The following HSPG2 variants were observed in gnomAD, a reference collection of about 807,000 sequenced individuals.
HSPG2 encodes the protein basement membrane-specific heparan sulfate proteoglycan core protein.
A neutral mutation model predicts 526.6 loss-of-function variants in HSPG2; 278 were observed. The ratio of observed to expected loss-of-function variants is 0.53; its 90% CI spans 0.48 to 0.58. The LOEUF is 0.58. HSPG2 is among the 20% of genes least tolerant of loss of function. The probability of loss-of-function intolerance (pLI) is 0.00; values close to 1 mark genes in which losing one functional copy is unlikely to be tolerated. For synonymous variants in HSPG2, 2,465 were observed against 2,555.4 expected (o/e 0.96, Z 1.07); for missense variants, 5,354 against 6,099.5 (o/e 0.88, Z 4.07).
rs1374165234 is a variant in HSPG2, at chr1:21,830,290, AG to A, written c.11672-200del. 8 of 605,314 alleles carry A rather than the reference AG, an allele frequency of 1.3e-5. 1 individual carries two copies. Among genetic ancestry groups the A allele is most frequent in the Non-Finnish European group, 2.4e-5 (8 of 338,594 alleles). The allele number at this position is 605,314 out of a possible 1,614,324, so 37.5% of individuals were successfully genotyped here. On this transcript the variant is annotated intron_variant, in intron 85 of 96. Transcript: ENST00000374695. The stretch of plus-strand genomic sequence containing the variant: ...AGGCCACAGGGAGGACTGCAGGGGA[AG>A]CAGTCGAGGGACTCTGTGTGTCTGC...
At position 21,889,843 on chromosome 1, in the gene HSPG2, C is replaced by A. The variant is rs764467841; in HGVS notation, c.574+138G>T. On this transcript the variant is annotated intron_variant, in intron 6 of 96. Transcript: ENST00000374695. ...TACCAAGCCAAGATTGTGTAAAGAT[C>A]GATGGGGCAGACTCAGGAGTAGTGA... The A allele has an allele frequency of 3.4e-6, 3 of 876,270 alleles. No individual in the cohort carries two copies. In the Admixed American group the frequency reaches 5.5e-5, roughly 16 times the overall value. The allele number at this position is 876,270 out of a possible 1,614,324, so 54.3% of individuals were successfully genotyped here.
chr1:21,890,677 C>T lies in HSPG2; in HGVS notation c.262G>A (p.Val88Met). 1 of 1,613,604 alleles carries T rather than the reference C, an allele frequency of 6.2e-7. No individual in the cohort carries two copies. Among genetic ancestry groups the T allele is most frequent in the Non-Finnish European group, 8.5e-7 (1 of 1,179,568 alleles). The change falls in exon 4 of 97, where the codon GTG (valine) becomes ATG (methionine). Residue 88 changes from valine (V) to methionine (M), a missense_variant. Val to Met is a conservative substitution (Grantham distance 21). Coordinates refer to ENST00000374695, the MANE Select transcript of HSPG2 (RefSeq NM_005529.7). This position sits in a 1 kb window ranked among gnomAD's most constrained non-coding sequence, Gnocchi z 4.1. ...DFQMVYFRAL[V>M]NFTRSIEYSP... ...TACTCGATGGAGCGAGTGAAATTCA[C>T]CAGGGCTCGGAAATAAACTGGAAAA...
At chr1:21,852,283 A>G (rs1402333079) in intron 52 of HSPG2, 50 bp from the exon 53 acceptor site, 5 of 1,610,964 alleles carry the variant, frequency 3.1e-6, no homozygotes, top group Non-Finnish European at 3.4e-6. Flanking sequence ...CTGAGATGAG[A>G]GGGCAGGGGT....
At chr1:21,896,855 C>T (rs150563967) in intron 1 of HSPG2, among the ~76,000 whole-genome samples, 36 of 152,370 alleles carry the variant, frequency 2.4e-4, no homozygotes, top group Middle Eastern at 3.4e-3. Flanking sequence ...CTCCAGGCTG[C>T]AGGGAACACA....
At chr1:21,889,847 G>A (rs779215050) in intron 6 of HSPG2, 134 bp downstream of exon 6, 1 of 897,132 alleles carries the variant, frequency 1.1e-6, no homozygotes, top group South Asian at 1.4e-5. Flanking sequence ...AAAGATCGAT[G>A]GGGCAGACTC....
Position 21,841,418 on chromosome 1 carries a change from C to G in HSPG2, c.9328+121G>C. Reference sequence around the variant, plus strand: ...CTGCACTGAGGTGGAAACTGAGGCTCAGAGAGGGAGAATGCCCAAGACAGA... The same window carrying G: ...CTGCACTGAGGTGGAAACTGAGGCTGAGAGAGGGAGAATGCCCAAGACAGA... On this transcript the variant is annotated intron_variant, in intron 70 of 96. Transcript: ENST00000374695. The G allele has an allele frequency of 5.8e-6, 9 of 1,564,984 alleles. 2 individuals are homozygous for G. In the South Asian group the frequency reaches 9.0e-5, roughly 16 times the overall value.
At chr1:21,825,529 T>G (rs1204532884) in intron 91 of HSPG2, among the ~76,000 whole-genome samples, 2 of 152,128 alleles carry the variant, frequency 1.3e-5, no homozygotes, top group African/African-American at 4.8e-5. Context: ...ATACTGTGTG[T>G]GGCTCCACAC....
rs771045786 is a variant in HSPG2, at chr1:21,823,325, G to A, written c.13167C>T (p.Cys4389=). The change falls in exon 97 of 97, where the codon TGC becomes TGT. Residue 4389 remains cysteine, a synonymous_variant. Transcript: ENST00000374695. ...TGGGGCAGGCAGGTGCCTACGAGGG[G>A]CAGGGGCGTGTGTTGGCCCCGGCCT... ...RAQAGANTRP[C]PS 4 of 1,537,904 alleles carry A rather than the reference G, an allele frequency of 2.6e-6. No homozygotes were observed. The South Asian group carries it at 3.6e-5, about 14-fold the overall frequency.
At position 21,865,223 on chromosome 1, in the gene HSPG2, G is replaced by A; in HGVS notation, c.4395+62C>T. On this transcript the variant is annotated intron_variant, in intron 35 of 96. Transcript: ENST00000374695. This position sits in a 1 kb window ranked among gnomAD's most constrained non-coding sequence, Gnocchi z 5.4. Reference sequence around the variant, plus strand: ...AGAGACAGGGTGGGTATCAAAGCCAGGCTCTGAGTCAGGGTGGAGGGTGGG... The same window carrying A: ...AGAGACAGGGTGGGTATCAAAGCCAAGCTCTGAGTCAGGGTGGAGGGTGGG... 6.4e-7 allele frequency: 1 copy of A among 1,569,040 alleles called. No homozygotes were observed. The highest frequency in any genetic ancestry group is 1.7e-4 in the Middle Eastern group (1 of 5,984).
chr1:21,936,407 C>A (rs979865947), intron 1 of HSPG2, among the ~76,000 whole-genome samples: 3 of 152,218 alleles, frequency 2.0e-5, no homozygotes, highest in African/African-American at 7.2e-5. Flanking sequence ...TCGGGTCCCC[C>A]AAGGGTGCAC....
chr1:21,929,233 A>G (rs556629609), intron 1 of HSPG2, among the ~76,000 whole-genome samples: 1 of 152,288 alleles, frequency 6.6e-6, no homozygotes, highest in South Asian at 2.1e-4. Flanking sequence ...CTGCAACTCC[A>G]CAAATGAACA....
At chr1:21,831,875 G>A (rs2098005869) in intron 81 of HSPG2, 79 bp from the exon 82 acceptor site, 2 of 1,448,974 alleles carry the variant, frequency 1.4e-6, no homozygotes, top group Non-Finnish European at 1.9e-6. Context: ...GTTGGGTAGA[G>A]GGGTCCCAGA....
intron 44 of HSPG2, among the ~76,000 whole-genome samples, 175 bp from the exon 45 acceptor site, chr1:21,856,087 G>A (rs1639319835): frequency 6.6e-6 from 1 of 152,178 alleles, no homozygotes; most frequent in Non-Finnish European, 1.5e-5. Context: ...CTCCCACCTT[G>A]AGACCTGTCC....
chr1:21,923,300 G>A (rs1644094528), intron 1 of HSPG2, among the ~76,000 whole-genome samples: 1 of 152,010 alleles, frequency 6.6e-6, no homozygotes, highest in South Asian at 2.1e-4. Context: ...CCAGCTACTC[G>A]GGAGGCTGAG....
intron 1 of HSPG2, among the ~76,000 whole-genome samples, chr1:21,915,235 T>C (rs537456374): frequency 2.6e-4 from 40 of 152,122 alleles, no homozygotes; most frequent in African/African-American, 8.9e-4. Context: ...TCTACACCGC[T>C]AAGGGGCCCA....
At position 21,848,867 on chromosome 1, in the gene HSPG2, A is replaced by AC; in HGVS notation, c.7585+25_7585+26insG. On this transcript the variant is annotated intron_variant, in intron 58 of 96. Coordinates refer to ENST00000374695, the MANE Select transcript of HSPG2 (RefSeq NM_005529.7). The surrounding 1 kb of genome is among the most constrained non-coding windows in gnomAD (Gnocchi z 4.9). ...AGTCGGGGTCCCCCAGCCCTCCACC[A>AC]TTTGCATGACCCCCGAGACACTCAC... is the stretch of plus-strand genomic sequence containing the variant. 6.2e-7 allele frequency: 1 copy of AC among 1,610,250 alleles called. No individual in the cohort carries two copies. The highest frequency in any genetic ancestry group is 1.1e-5 in the South Asian group (1 of 90,932).
Position 21,859,528 on chromosome 1 carries a change from G to T in HSPG2, c.5293+38C>A. On this transcript the variant is annotated intron_variant, in intron 42 of 96. Transcript: ENST00000374695. The surrounding 1 kb of genome is among the most constrained non-coding windows in gnomAD (Gnocchi z 5.3). ...ATCTGCAGCCTGCAGCCCAGCCCAGGACAGGCAGTCTTGGTTACAGGGGGC... is the reference window on the plus strand; with the variant it reads ...ATCTGCAGCCTGCAGCCCAGCCCAGTACAGGCAGTCTTGGTTACAGGGGGC... 1 of 1,471,020 alleles carries T rather than the reference G, an allele frequency of 6.8e-7. No homozygotes were observed. The highest frequency in any genetic ancestry group is 9.3e-7 in the Non-Finnish European group (1 of 1,071,404). 91.1% of individuals were successfully genotyped at this position (1,471,020 alleles called of 1,614,324 possible). A position where few individuals can be genotyped will look rare whatever the true frequency, so the allele number is the denominator to read the frequency against.
Position 21,875,687 on chromosome 1 carries a change from C to G in HSPG2, c.3244G>C (p.Ala1082Pro), listed in dbSNP as rs756700626. The change falls in exon 25 of 97, where the codon GCA becomes CCA. Residue 1082 changes from alanine (A) to proline (P), a missense_variant. Coordinates refer to ENST00000374695, the MANE Select transcript of HSPG2 (RefSeq NM_005529.7). ...ATREHLLMAL[A>P]GIDTLLIRAS... Reference sequence around the variant, plus strand: ...CGGATCAGGAGGGTGTCGATGCCTGCCAGTGCCATCAGCAGGTGCTCCCGT... The same window carrying G: ...CGGATCAGGAGGGTGTCGATGCCTGGCAGTGCCATCAGCAGGTGCTCCCGT... The G allele has an allele frequency of 6.2e-7, 1 of 1,604,320 alleles. No individual in the cohort carries two copies.
At position 21,893,379 on chromosome 1, in the gene HSPG2, G is replaced by A. The variant is rs1642506198; in HGVS notation, c.244+2543C>T. ...GATCTGTGGGCCCAGGGTGGGCCTGGCTGTGTCCTGGGCAGGGGCAGTGGC... is the reference window on the plus strand; with the variant it reads ...GATCTGTGGGCCCAGGGTGGGCCTGACTGTGTCCTGGGCAGGGGCAGTGGC... On this transcript the variant is annotated intron_variant, in intron 3 of 96. Transcript: ENST00000374695. The surrounding 1 kb of genome is among the most constrained non-coding windows in gnomAD (Gnocchi z 4.3). Among the ~76,000 whole-genome samples, 1 of 152,218 alleles carries A rather than the reference G, an allele frequency of 6.6e-6. No homozygotes were observed. The highest frequency in any genetic ancestry group is 2.1e-4 in the South Asian group (1 of 4,832).
Sources: gnomAD v4.1 joint callset for allele counts (sites outside exome capture counted in the v4.1 genomes callset) on GRCh38, gnomAD v4.1.1 for gene constraint, Gnocchi (gnomAD v3.1) non-coding constraint, MANE v1.5 for transcripts, NCBI Gene and HGNC (gene_info 2026-07-23, HGNC 2026-07-21) for gene names.